Variants in IFT80 observed in about 807,000 individuals in gnomAD.
The protein encoded by IFT80 is intraflagellar transport protein 80 homolog.
In IFT80, 79 loss-of-function variants were observed where a neutral mutation model predicts 107.9. The observed-to-expected ratio is 0.73, with a 90% confidence interval of 0.61 to 0.88. The LOEUF (loss-of-function observed/expected upper bound fraction) is 0.88. Ranked by LOEUF, IFT80 falls within the 40% of genes least tolerant of loss-of-function variation. The pLI is 0.00. For synonymous variants in IFT80, 299 were observed against 300.9 expected, an observed-to-expected ratio of 0.99 and a Z score of 0.07; for missense variants, 797 against 914.2, an observed-to-expected ratio of 0.87 and a Z score of 1.65.
chr3:160,295,021 G>A (rs1715863264), intron 12 of IFT80, among the ~76,000 whole-genome samples: 1 of 152,228 alleles, frequency 6.6e-6, no homozygotes, highest in Admixed American at 6.5e-5. Context: ...GTAATAAAAC[G>A]GGGCAGATAT....
intron 3 of IFT80, among the ~76,000 whole-genome samples, chr3:160,379,940 T>A (rs758340090): frequency 1.5e-4 from 23 of 152,134 alleles, no homozygotes; most frequent in Non-Finnish European, 2.9e-4. Flanking sequence ...CCTTTCCATC[T>A]TCAGGTTACA....
intron 8 of IFT80, among the ~76,000 whole-genome samples, chr3:160,353,844 G>T (rs1270434298): frequency 6.6e-6 from 1 of 152,060 alleles, no homozygotes; most frequent in Non-Finnish European, 1.5e-5. Flanking sequence ...ACTGTCTGAT[G>T]AGTAGTATAT....
At chr3:160,298,605 C>T (rs1476635759) in intron 12 of IFT80, among the ~76,000 whole-genome samples, 1 of 151,262 alleles carries the variant, frequency 6.6e-6, no homozygotes, top group Admixed American at 6.6e-5. Context: ...CAGAAAATTT[C>T]AGAATGTGTT....
At chr3:160,322,784 C>A in intron 8 of IFT80, among the ~76,000 whole-genome samples, 1 of 152,146 alleles carries the variant, frequency 6.6e-6, no homozygotes, top group East Asian at 1.9e-4. Context: ...CTCTGATGGC[C>A]AGTGATGATG....
chr3:160,306,178 C>T (rs1021569770), intron 10 of IFT80, among the ~76,000 whole-genome samples: 1 of 152,104 alleles, frequency 6.6e-6, no homozygotes, highest in Non-Finnish European at 1.5e-5. Context: ...AGCAACCTTA[C>T]ATTTGCCACA....
chr3:160,277,534 C>T (rs185766407), intron 17 of IFT80, 47 bp downstream of exon 17: 50 of 1,578,054 alleles, frequency 3.2e-5, no homozygotes, highest in African/African-American at 1.8e-4. Flanking sequence ...TAATAAATTA[C>T]GCTAAGAAAA....
chr3:160,265,819 T>C (rs1290511761), intron 19 of IFT80, among the ~76,000 whole-genome samples: 1 of 152,188 alleles, frequency 6.6e-6, no homozygotes, highest in Non-Finnish European at 1.5e-5. Flanking sequence ...AATTTCTCAA[T>C]GTTATTTTTA....
intron 8 of IFT80, among the ~76,000 whole-genome samples, chr3:160,324,782 C>A (rs1370333092): frequency 1.3e-5 from 2 of 152,008 alleles, no homozygotes; most frequent in African/African-American, 2.4e-5. Flanking sequence ...CTGGTCAGGG[C>A]AATTAGGCAG....
At chr3:160,368,707 C>T (rs550139446) in intron 5 of IFT80, among the ~76,000 whole-genome samples, 21 of 151,984 alleles carry the variant, frequency 1.4e-4, no homozygotes, top group African/African-American at 5.1e-4. Flanking sequence ...AAAGGAGTGA[C>T]AGGGACTTAC....
chr3:160,336,313 T>C (rs1305702652), intron 8 of IFT80, among the ~76,000 whole-genome samples: 1 of 152,184 alleles, frequency 6.6e-6, no homozygotes, highest in Non-Finnish European at 1.5e-5. Context: ...AAAATAGTTA[T>C]CCTATGAGAA....
chr3:160,290,413 GAAAAAAAAAAAGA>G (rs1181856952), intron 12 of IFT80, among the ~76,000 whole-genome samples: 18 of 49,418 alleles, frequency 3.6e-4, no homozygotes, highest in South Asian at 1.2e-3. Context: ...CTCAAAAACA[GAAAAAAAAAAAGA>G]AAAAAAAAAA....
intron 9 of IFT80, among the ~76,000 whole-genome samples, chr3:160,319,054 G>A (rs1393426217): frequency 6.6e-6 from 1 of 151,706 alleles, no homozygotes; most frequent in Admixed American, 6.6e-5. Flanking sequence ...ATTGTGTATC[G>A]CCACAACTGT....
chr3:160,312,168 G>A (rs578063948), intron 9 of IFT80, among the ~76,000 whole-genome samples: 4 of 152,116 alleles, frequency 2.6e-5, no homozygotes, highest in Non-Finnish European at 5.9e-5. Context: ...ATGACTGCAG[G>A]TTGTGTAGTG....
chr3:160,395,394 A>G (rs1713697436), intron 1 of IFT80, among the ~76,000 whole-genome samples: 1 of 152,238 alleles, frequency 6.6e-6, no homozygotes, highest in Non-Finnish European at 1.5e-5. Context: ...ATTTCCAGTG[A>G]AAGTTGTTTT....
At chr3:160,379,227 A>G (rs1712278553) in intron 3 of IFT80, among the ~76,000 whole-genome samples, 1 of 152,210 alleles carries the variant, frequency 6.6e-6, no homozygotes, top group African/African-American at 2.4e-5. Flanking sequence ...CTATAAAATA[A>G]CAGGCATATA....
intron 1 of IFT80, among the ~76,000 whole-genome samples, chr3:160,395,765 G>C (rs897138554): frequency 6.6e-6 from 1 of 152,150 alleles, no homozygotes; most frequent in African/African-American, 2.4e-5. Context: ...CCAAATCCTT[G>C]TGTCTTTGTC....
intron 1 of IFT80, among the ~76,000 whole-genome samples, chr3:160,395,901 T>C (rs1018654806): frequency 3.3e-5 from 5 of 152,222 alleles, no homozygotes; most frequent in Non-Finnish European, 7.3e-5. Flanking sequence ...TCCTAGATAT[T>C]ACTGTAATTA....
intron 8 of IFT80, among the ~76,000 whole-genome samples, chr3:160,352,370 T>C (rs1316506525): frequency 6.6e-6 from 1 of 152,224 alleles, no homozygotes; most frequent in Non-Finnish European, 1.5e-5. Context: ...TTAAGAAATG[T>C]AATTTTTTCT....
intron 18 of IFT80, among the ~76,000 whole-genome samples, chr3:160,270,203 A>G (rs1467685195): frequency 1.3e-5 from 2 of 152,186 alleles, no homozygotes; most frequent in African/African-American, 2.4e-5. Flanking sequence ...GTTTCACCAC[A>G]TTGGCCAGGC....
Sources: allele counts gnomAD v4.1 joint callset (sites outside exome capture counted in the v4.1 genomes callset), GRCh38; gene constraint gnomAD v4.1.1; transcripts MANE v1.5; gene names NCBI Gene and HGNC (gene_info 2026-07-23, HGNC 2026-07-21).